The following PTPRD variants were observed in gnomAD, a reference collection of about 807,000 sequenced individuals.
PTPRD encodes the protein receptor-type tyrosine-protein phosphatase delta.
In PTPRD, 34 loss-of-function variants were observed where a neutral mutation model predicts 214.5. The ratio of observed to expected loss-of-function variants is 0.16; its 90% CI spans 0.12 to 0.21. The LOEUF (loss-of-function observed/expected upper bound fraction) is 0.21. Ranked by LOEUF, PTPRD falls within the 10% of genes least tolerant of loss-of-function variation. PTPRD has a pLI of 1.00. For synonymous variants in PTPRD, 1,128 were observed against 845.7 expected, an observed-to-expected ratio of 1.33 and a Z score of -5.79; for missense variants, 2,545 against 2,398.7, an observed-to-expected ratio of 1.06 and a Z score of -1.27.
intron 3 of PTPRD, among the ~76,000 whole-genome samples, chr9:10,226,260 A>G (rs2099588561): frequency 6.6e-6 from 1 of 152,064 alleles, no homozygotes; most frequent in Non-Finnish European, 1.5e-5. Context: ...GCTACCAGCC[A>G]ATGGATTAGA....
At chr9:9,430,869 G>C (rs547626339) in intron 8 of PTPRD, among the ~76,000 whole-genome samples, 2 of 152,110 alleles carry the variant, frequency 1.3e-5, no homozygotes, top group African/African-American at 2.4e-5. Flanking sequence ...GCTGAAACTG[G>C]ATCCCTTCCT....
In PTPRD at chr9:8,497,336, G is replaced by T. The variant is rs1361856629; in HGVS notation, c.2323-68C>A. On this transcript the variant is annotated intron_variant, in intron 25 of 45. Coordinates refer to ENST00000381196, the MANE Select transcript of PTPRD (RefSeq NM_002839.4). ...GAAAAAGAATTTAAAGCCTTATACA[G>T]GCAGTGTTGCCCTTGTTAGATTAAA... 6.8e-6 allele frequency: 9 copies of T among 1,333,270 alleles called. No homozygotes were observed. The East Asian group carries it at 1.8e-4, about 26-fold the overall frequency. The allele number at this position is 1,333,270 out of a possible 1,614,324, so 82.6% of individuals were successfully genotyped here.
chr9:9,770,015 G>T (rs2098739359), intron 5 of PTPRD, among the ~76,000 whole-genome samples: 1 of 152,128 alleles, frequency 6.6e-6, no homozygotes, highest in East Asian at 1.9e-4. Context: ...TCACTGATGG[G>T]CATTTGGGTT....
At chr9:10,266,079 C>T (rs1300051561) in intron 3 of PTPRD, among the ~76,000 whole-genome samples, 1 of 151,984 alleles carries the variant, frequency 6.6e-6, no homozygotes, top group Non-Finnish European at 1.5e-5. Context: ...TTTCATGGCC[C>T]TATGGAGACC....
Position 9,183,321 on chromosome 9 carries a change from C to CGGT in PTPRD, c.-163_-161dup, listed in dbSNP as rs1432136951. 1.3e-5 allele frequency: 2 copies of CGGT among 151,898 alleles called. No homozygotes were observed. Among genetic ancestry groups the CGGT allele is most frequent in the Non-Finnish European group, 2.9e-5 (2 of 67,946 alleles). 9.4% of individuals were successfully genotyped at this position (151,898 alleles called of 1,614,324 possible). On this transcript the variant is annotated 5_prime_UTR_variant, in exon 10 of 46. Coordinates refer to ENST00000381196, the MANE Select transcript of PTPRD (RefSeq NM_002839.4). Reference sequence around the variant, plus strand: ...GGACTCACCTTGAGTTAGCCACCGTCGGTGTTTTCAGACACAGTCCCTGGC... The same window carrying CGGT: ...GGACTCACCTTGAGTTAGCCACCGTCGGTGGTGTTTTCAGACACAGTCCCTGGC...
chr9:8,840,752 C>T (rs1324886615), intron 11 of PTPRD, among the ~76,000 whole-genome samples: 1 of 150,410 alleles, frequency 6.6e-6, no homozygotes. Context: ...CATGCCCATT[C>T]TTAATTTTTT....
At chr9:9,790,987 A>G (rs2098963167) in intron 5 of PTPRD, among the ~76,000 whole-genome samples, 1 of 152,214 alleles carries the variant, frequency 6.6e-6, no homozygotes, top group Non-Finnish European at 1.5e-5. Flanking sequence ...TATCATAAAT[A>G]TATATAATGA....
intron 10 of PTPRD, among the ~76,000 whole-genome samples, chr9:9,170,511 T>G (rs957038271): frequency 2.0e-5 from 3 of 152,304 alleles, no homozygotes; most frequent in Admixed American, 2.0e-4. Flanking sequence ...TGTTACTACC[T>G]TGGTCAGTTC....
intron 9 of PTPRD, among the ~76,000 whole-genome samples, chr9:9,308,165 T>A (rs1569567244): frequency 6.6e-6 from 1 of 152,198 alleles, no homozygotes; most frequent in Admixed American, 6.5e-5. Flanking sequence ...TGTTAGGCTC[T>A]TTTTAATGCG....
chr9:8,418,788 A>G (rs1176184068), intron 35 of PTPRD, among the ~76,000 whole-genome samples: 1 of 152,092 alleles, frequency 6.6e-6, no homozygotes, highest in African/African-American at 2.4e-5. Flanking sequence ...TATCAAAATT[A>G]CTGAAAATAA....
chr9:8,926,485 C>G (rs554155593), intron 11 of PTPRD, among the ~76,000 whole-genome samples: 18 of 152,144 alleles, frequency 1.2e-4, no homozygotes, highest in African/African-American at 3.6e-4. Flanking sequence ...CATGGTTTCT[C>G]CTATGTGACC....
intron 8 of PTPRD, among the ~76,000 whole-genome samples, chr9:9,532,974 A>C (rs2075804228): frequency 6.6e-6 from 1 of 152,158 alleles, no homozygotes; most frequent in Non-Finnish European, 1.5e-5. Context: ...CCATCAAATA[A>C]TAGTGAAGAA....
chr9:8,648,597 C>T (rs2096742911), intron 12 of PTPRD, among the ~76,000 whole-genome samples: 2 of 152,312 alleles, frequency 1.3e-5, no homozygotes, highest in African/African-American at 2.4e-5. Context: ...CCTATTTATG[C>T]ATTCAAAATA....
chr9:9,136,567 T>C (rs1251040125), intron 10 of PTPRD, among the ~76,000 whole-genome samples: 1 of 152,162 alleles, frequency 6.6e-6, no homozygotes, highest in Non-Finnish European at 1.5e-5. Flanking sequence ...AATGATAATA[T>C]GTGAAATCAA....
chr9:8,620,289 G>A (rs2095776969), intron 14 of PTPRD, among the ~76,000 whole-genome samples: 1 of 151,928 alleles, frequency 6.6e-6, no homozygotes, highest in African/African-American at 2.4e-5. Flanking sequence ...TTATCTTACA[G>A]ACAAACGCTT....
At chr9:10,323,146 T>A (rs1271141101) in intron 3 of PTPRD, among the ~76,000 whole-genome samples, 1 of 151,750 alleles carries the variant, frequency 6.6e-6, no homozygotes, top group Non-Finnish European at 1.5e-5. Context: ...ATCAATTCTT[T>A]CTATTTTCTT....
intron 4 of PTPRD, among the ~76,000 whole-genome samples, chr9:10,001,592 G>T (rs1588601151): frequency 1.3e-5 from 2 of 152,112 alleles, no homozygotes; most frequent in South Asian, 4.1e-4. Flanking sequence ...AGAGGCAATG[G>T]AATAACGTAT....
chr9:8,916,559 A>T (rs1180378588), intron 11 of PTPRD, among the ~76,000 whole-genome samples: 1 of 152,158 alleles, frequency 6.6e-6, no homozygotes, highest in Non-Finnish European at 1.5e-5. Context: ...GAAAAGTTTG[A>T]CTATGAAATA....
intron 8 of PTPRD, among the ~76,000 whole-genome samples, chr9:9,540,455 A>C (rs1229887443): frequency 6.6e-6 from 1 of 151,798 alleles, no homozygotes; most frequent in African/African-American, 2.4e-5. Context: ...ACAGTAATGA[A>C]GTCTATGATG....
Sources: allele counts gnomAD v4.1 joint callset (sites outside exome capture counted in the v4.1 genomes callset), GRCh38; gene constraint gnomAD v4.1.1; transcripts MANE v1.5; gene names NCBI Gene and HGNC (gene_info 2026-07-23, HGNC 2026-07-21).